TRHDE: variants seen among roughly 807,000 people sequenced by gnomAD.
TRHDE encodes thyrotropin-releasing hormone-degrading ectoenzyme.
TRHDE carries 72 observed loss-of-function variants against 125.7 expected under a neutral mutation model. The ratio of observed to expected loss-of-function variants is 0.57; its 90% CI spans 0.47 to 0.70. The LOEUF (loss-of-function observed/expected upper bound fraction) is 0.70, where lower values mean the gene tolerates loss of function less well. Ranked by LOEUF, TRHDE falls within the 30% of genes least tolerant of loss-of-function variation. TRHDE has a pLI of 0.00. For missense variants in TRHDE, 1,110 were observed against 1,327.1 expected, an observed-to-expected ratio of 0.84 and a Z score of 2.54; for synonymous variants, 509 against 509.1, an observed-to-expected ratio of 1.00 and a Z score of 0.00.
chr12:72,162,559 C>T (rs1876658793), intron 2 of TRHDE, among the ~76,000 whole-genome samples: 1 of 152,080 alleles, frequency 6.6e-6, no homozygotes, highest in Non-Finnish European at 1.5e-5. Context: ...AGAAGTTGGT[C>T]CTGGGAGATT....
At chr12:72,544,409 C>T (rs907307863) in intron 7 of TRHDE, among the ~76,000 whole-genome samples, 1 of 151,550 alleles carries the variant, frequency 6.6e-6, no homozygotes, top group African/African-American at 2.4e-5. Context: ...GCACTTATCT[C>T]TGCTGGAAAA....
chr12:72,122,716 A>G (rs1302032350), intron 2 of TRHDE, among the ~76,000 whole-genome samples: 1 of 152,086 alleles, frequency 6.6e-6, no homozygotes, highest in Admixed American at 6.6e-5. Flanking sequence ...TATAGACATT[A>G]CTCTAGAGAT....
intron 2 of TRHDE, among the ~76,000 whole-genome samples, chr12:72,197,446 G>A (rs1877467289): frequency 6.6e-6 from 1 of 152,040 alleles, no homozygotes; most frequent in African/African-American, 2.4e-5. Context: ...AATTTTTTAT[G>A]GCTATACTTC....
chr12:72,321,297 G>A (rs926174654), intron 2 of TRHDE, among the ~76,000 whole-genome samples: 13 of 152,162 alleles, frequency 8.5e-5, no homozygotes, highest in Non-Finnish European at 1.8e-4. Context: ...CCAGCTGATG[G>A]CTTCTAGGAA....
chr12:72,529,591 T>C (rs562623468), intron 6 of TRHDE, among the ~76,000 whole-genome samples: 2 of 152,306 alleles, frequency 1.3e-5, no homozygotes, highest in South Asian at 4.1e-4. Context: ...GTTTGAAGTT[T>C]TTGTCTATTA....
At chr12:72,583,132 C>G (rs1004454084) in intron 12 of TRHDE, among the ~76,000 whole-genome samples, 1 of 152,100 alleles carries the variant, frequency 6.6e-6, no homozygotes, top group Non-Finnish European at 1.5e-5. Flanking sequence ...TCTTAGTTAT[C>G]TTTTGTTAAA....
At chr12:72,636,631 G>A (rs1873766172) in intron 15 of TRHDE, among the ~76,000 whole-genome samples, 1 of 152,112 alleles carries the variant, frequency 6.6e-6, no homozygotes, top group Admixed American at 6.5e-5. Context: ...TATGATATTG[G>A]CTATGGGTCT....
chr12:72,514,254 C>T (rs913589889), intron 6 of TRHDE, among the ~76,000 whole-genome samples: 2 of 152,054 alleles, frequency 1.3e-5, no homozygotes, highest in East Asian at 1.9e-4. Flanking sequence ...CAAGTTTCCA[C>T]GAATATGAGA....
chr12:72,591,632 G>GTTTTTTTTTTTTTTTTTTTTTTTTTT lies in TRHDE; in HGVS notation c.2321+16105_2321+16106insTTTTTTTTTTTTTTTTTTTTTTTTTT, dbSNP rs71071842. The stretch of plus-strand genomic sequence containing the variant: ...TATTCATCAATTTCTAAGGATATGG[G>GTTTTTTTTTTTTTTTTTTTTTTTTTT]TTTTTTTTTTTTTTTGCTATTATTT... On this transcript the variant is annotated intron_variant, in intron 12 of 18. Transcript: ENST00000261180. Among the ~76,000 whole-genome samples, 4 of 125,428 alleles carry GTTTTTTTTTTTTTTTTTTTTTTTTTT rather than the reference G, an allele frequency of 3.2e-5. 1 individual carries two copies. The highest frequency in any genetic ancestry group is 4.9e-5 in the Non-Finnish European group (3 of 61,332). The allele number at this position is 125,428 out of a possible 152,430, so 82.3% of individuals were successfully genotyped here. A position where few individuals can be genotyped will look rare whatever the true frequency, so the allele number is the denominator to read the frequency against.
At chr12:72,475,345 G>T (rs1363787931) in intron 5 of TRHDE, among the ~76,000 whole-genome samples, 1 of 152,060 alleles carries the variant, frequency 6.6e-6, no homozygotes, top group African/African-American at 2.4e-5. Flanking sequence ...TATTACAAGT[G>T]ATGTGTTATG....
chr12:72,508,321 G>A (rs1310110987), intron 6 of TRHDE, among the ~76,000 whole-genome samples: 1 of 152,292 alleles, frequency 6.6e-6, no homozygotes, highest in South Asian at 2.1e-4. Context: ...GACCTTGAGA[G>A]CAGCCATGGG....
intron 12 of TRHDE, among the ~76,000 whole-genome samples, chr12:72,617,587 G>A (rs10879467): frequency 0.19 from 29,438 of 152,070 alleles, 6,036 homozygotes; most frequent in African/African-American, 0.52. Context: ...TGTAGCTTTC[G>A]TGGTTCCCTC....
chr12:72,311,238 T>G (rs1296882522), intron 2 of TRHDE, among the ~76,000 whole-genome samples: 1 of 152,140 alleles, frequency 6.6e-6, no homozygotes, highest in Non-Finnish European at 1.5e-5. Flanking sequence ...TTGTCTTTTC[T>G]AGAAAGTCAT....
intron 2 of TRHDE, among the ~76,000 whole-genome samples, chr12:72,348,439 T>C (rs1276787864): frequency 6.6e-6 from 1 of 152,060 alleles, no homozygotes; most frequent in African/African-American, 2.4e-5. Flanking sequence ...TCTGGGAGTC[T>C]TGCTATTTGA....
chr12:72,490,535 C>G (rs1019584166), intron 5 of TRHDE, among the ~76,000 whole-genome samples: 1 of 151,550 alleles, frequency 6.6e-6, no homozygotes, highest in South Asian at 2.1e-4. Context: ...TTCACTGAAG[C>G]ATTAGTCACA....
chr12:72,586,811 G>A (rs899679067), intron 12 of TRHDE, among the ~76,000 whole-genome samples: 1 of 150,246 alleles, frequency 6.7e-6, no homozygotes. Context: ...AAAAAAAAGA[G>A]TTTGCAATAA....
At chr12:72,297,202 A>G (rs1203502006) in intron 2 of TRHDE, among the ~76,000 whole-genome samples, 10 of 152,180 alleles carry the variant, frequency 6.6e-5, no homozygotes, top group African/African-American at 2.4e-4. Context: ...TATTGGAATC[A>G]TTGGCCATGG....
intron 2 of TRHDE, among the ~76,000 whole-genome samples, chr12:72,340,117 A>G (rs1018176696): frequency 2.6e-5 from 4 of 152,160 alleles, no homozygotes; most frequent in Non-Finnish European, 5.9e-5. Context: ...GTATATCCCA[A>G]CAAACTTTCT....
At position 72,544,567 on chromosome 12, in the gene TRHDE, CT is replaced by C. The variant is rs544957939; in HGVS notation, c.1788+2213del. Among the ~76,000 whole-genome samples, 488 of 150,180 alleles carry C rather than the reference CT, an allele frequency of 3.2e-3. 1 individual carries two copies. The highest frequency in any genetic ancestry group is 5.7e-3 in the Non-Finnish European group (381 of 67,214). ...TTTCTCCTTTTTTCTCTTTTTCTCTCTTGCTCTCTTTTCTTCCTTTCTTCTT... is the reference window on the plus strand; with the variant it reads ...TTTCTCCTTTTTTCTCTTTTTCTCTCTGCTCTCTTTTCTTCCTTTCTTCTT... On this transcript the variant is annotated intron_variant, in intron 7 of 18. Transcript: ENST00000261180.
Sources: allele counts gnomAD v4.1 joint callset (sites outside exome capture counted in the v4.1 genomes callset), GRCh38; gene constraint gnomAD v4.1.1; transcripts MANE v1.5; gene names NCBI Gene and HGNC (gene_info 2026-07-23, HGNC 2026-07-21).